SLC22A25: variants seen among roughly 807,000 people sequenced by gnomAD.
SLC22A25 encodes the protein solute carrier family 22 member 25.
In SLC22A25, 44 loss-of-function variants were observed where a neutral mutation model predicts 45.9. The observed-to-expected ratio is 0.96, with a 90% CI of 0.75 to 1.23. The LOEUF is 1.23. SLC22A25 is among the 50% of genes most tolerant of loss of function. SLC22A25 has a pLI of 0.00. For missense variants in SLC22A25, 800 were observed against 666.4 expected (o/e 1.20, Z -2.21); for synonymous variants, 283 against 238.6 (o/e 1.19, Z -1.72).
rs186416448 is a variant in SLC22A25 at position 63,178,720 on chromosome 11, C to T, written c.1070+1940G>A. 4.6e-5 allele frequency among the ~76,000 whole-genome samples: 7 copies of T among 151,942 alleles called. No individual in the cohort carries two copies. In the South Asian group the frequency reaches 1.0e-3, roughly 23 times the overall value. On this transcript the variant is annotated intron_variant, in intron 9 of 11. Transcript: ENST00000306494. The stretch of plus-strand genomic sequence containing the variant: ...TAGGTTTGATTTATTAATCCCTTGT[C>T]GGTTGAATAGTTTGCAATTTTTTTT...
chr11:63,218,947 G>A (rs533189553), intron 5 of SLC22A25, among the ~76,000 whole-genome samples: 76 of 152,230 alleles, frequency 5.0e-4, no homozygotes, highest in African/African-American at 1.8e-3. Context: ...AAACACACAT[G>A]CACTCACATG....
chr11:63,217,964 T>C, intron 5 of SLC22A25: 1 of 641,898 alleles, frequency 1.6e-6, no homozygotes, highest in South Asian at 1.8e-5. Flanking sequence ...CTGTTGCCAG[T>C]AGATCATTGA....
chr11:63,233,131 G>A (rs1260683129), intron 3 of SLC22A25, among the ~76,000 whole-genome samples: 1 of 152,160 alleles, frequency 6.6e-6, no homozygotes, highest in Non-Finnish European at 1.5e-5. Context: ...TTTGGTATCA[G>A]GATGATGCTG....
intron 5 of SLC22A25, among the ~76,000 whole-genome samples, chr11:63,228,134 T>C (rs1165654400): frequency 1.3e-5 from 2 of 152,218 alleles, no homozygotes; most frequent in African/African-American, 4.8e-5. Context: ...TAGATAGTTT[T>C]CAAGTTTGGT....
At chr11:63,177,244 A>G (rs1417212229) in intron 9 of SLC22A25, among the ~76,000 whole-genome samples, 1 of 151,948 alleles carries the variant, frequency 6.6e-6, no homozygotes, top group African/African-American at 2.4e-5. Context: ...ATACATGATA[A>G]TTATACATAT....
intron 7 of SLC22A25, among the ~76,000 whole-genome samples, chr11:63,206,038 A>G (rs1218044436): frequency 6.6e-6 from 1 of 152,188 alleles, no homozygotes; most frequent in African/African-American, 2.4e-5. Flanking sequence ...CAAAAACCAC[A>G]TGATTATCTC....
intron 9 of SLC22A25, chr11:63,167,395 C>T (rs1341037674): frequency 6.6e-6 from 1 of 152,346 alleles, no homozygotes; most frequent in Non-Finnish European, 1.5e-5. Flanking sequence ...CCCATGGAGC[C>T]CAGCAAGCTA....
chr11:63,229,657 G>C lies in SLC22A25; in HGVS notation c.-5C>G. ...TAGGAGGTCCTGAAAGGCCATTGAG[G>C]CTGGACAAGTGATCCCCAAGAGGAG... On this transcript the variant is annotated 5_prime_UTR_variant, in exon 4 of 12. Transcript: ENST00000306494. The C allele has an allele frequency of 6.3e-7, 1 of 1,597,138 alleles. No homozygotes were observed. The highest frequency in any genetic ancestry group is 8.6e-7 in the Non-Finnish European group (1 of 1,166,304).
At chr11:63,202,931 C>T (rs1273554726) in intron 7 of SLC22A25, among the ~76,000 whole-genome samples, 2 of 152,102 alleles carry the variant, frequency 1.3e-5, no homozygotes, top group Admixed American at 6.5e-5. Flanking sequence ...TGGCAGGTGC[C>T]CCTCTGGGAT....
chr11:63,180,575 C>T, intron 9 of SLC22A25, 85 bp downstream of exon 9: 3 of 953,600 alleles, frequency 3.1e-6, no homozygotes, highest in Non-Finnish European at 4.6e-6. Flanking sequence ...AAATATTTTC[C>T]TTCAACATGT....
intron 7 of SLC22A25, 58 bp downstream of exon 7, chr11:63,217,256 C>T (rs1456281316): frequency 6.4e-7 from 1 of 1,568,512 alleles, no homozygotes; most frequent in African/African-American, 1.3e-5. Context: ...TGTCCTCATT[C>T]CATGTACATC....
intron 8 of SLC22A25, among the ~76,000 whole-genome samples, chr11:63,181,312 T>C (rs1170507075): frequency 1.3e-5 from 2 of 152,000 alleles, no homozygotes; most frequent in African/African-American, 2.4e-5. Flanking sequence ...GTACATGATA[T>C]ACATGTGCCA....
At position 63,159,233 on chromosome 11, in the gene SLC22A25, G is replaced by A. The variant is rs536265673; in HGVS notation, c.*4591C>T. On this transcript the variant is annotated 3_prime_UTR_variant, in exon 12 of 12. Transcript: ENST00000306494. ...GCAACAAATGTGGGAGTGCAGATAC[G>A]TCTTTGATATACTTATTTCCTTTCT... is the stretch of plus-strand genomic sequence containing the variant. Among the ~76,000 whole-genome samples the A allele has an allele frequency of 3.3e-5, 5 of 152,250 alleles. No homozygotes were observed. The highest frequency in any genetic ancestry group is 6.5e-5 in the Admixed American group (1 of 15,294).
intron 10 of SLC22A25, 94 bp from the exon 11 acceptor site, chr11:63,164,728 T>C: frequency 1.0e-6 from 1 of 958,198 alleles, no homozygotes; most frequent in East Asian, 2.5e-5. Flanking sequence ...TTTGGAGGTG[T>C]TTCCAGGGGT....
rs1388202023 is a variant in SLC22A25 at position 63,161,523 on chromosome 11, T to C, written c.*2301A>G. ...AGGGATCCAGTGGGAGGTAACTGAA[T>C]CATGGGGGTGAGTGTTTCCCATGCT... On this transcript the variant is annotated 3_prime_UTR_variant, in exon 12 of 12. Transcript: ENST00000306494. Among the ~76,000 whole-genome samples, 2 of 152,162 alleles carry C rather than the reference T, an allele frequency of 1.3e-5. No homozygotes were observed. Among genetic ancestry groups the C allele is most frequent in the African/African-American group, 4.8e-5 (2 of 41,446 alleles).
intron 9 of SLC22A25, chr11:63,168,010 A>T: frequency 2.8e-6 from 1 of 357,470 alleles, no homozygotes; most frequent in South Asian, 2.0e-5. Context: ...TCCGCTGGTG[A>T]TACCCAAGCA....
In SLC22A25 at chr11:63,183,725, A is replaced by G. The variant is rs780300809; in HGVS notation, c.923T>C (p.Met308Thr). The stretch of plus-strand genomic sequence containing the variant: ...GGTTAGGATGTCTTCAGCATTCTTC[A>G]TTCCATTCCTGTGTGCAGCTTTTCT... ...ELRKAAHRNGMKNAEDILTME... is the reference protein window; with the variant it reads ...ELRKAAHRNGTKNAEDILTME... Residue 308 changes from methionine (M) to threonine (T), a missense_variant, in exon 8 of 12, where the codon ATG becomes ACG. Met to Thr is a moderately conservative substitution (Grantham distance 81). Coordinates refer to ENST00000306494, the MANE Select transcript of SLC22A25 (RefSeq NM_199352.6). The G allele has an allele frequency of 2.5e-6, 4 of 1,613,088 alleles. No individual in the cohort carries two copies. Among genetic ancestry groups the G allele is most frequent in the Non-Finnish European group, 3.4e-6 (4 of 1,179,314 alleles).
At chr11:63,172,022 C>T (rs1275955423) in intron 9 of SLC22A25, among the ~76,000 whole-genome samples, 1 of 152,138 alleles carries the variant, frequency 6.6e-6, no homozygotes, top group Non-Finnish European at 1.5e-5. Flanking sequence ...TTTGACAAAC[C>T]TGACACAAAT....
intron 5 of SLC22A25, among the ~76,000 whole-genome samples, chr11:63,223,366 C>T (rs186011669): frequency 2.6e-5 from 4 of 152,096 alleles, no homozygotes; most frequent in Admixed American, 2.6e-4. Flanking sequence ...TTGTATGTAT[C>T]TAGGAATTTA....
Sources: allele counts gnomAD v4.1 joint callset (sites outside exome capture counted in the v4.1 genomes callset), GRCh38; gene constraint gnomAD v4.1.1; transcripts MANE v1.5; gene names NCBI Gene and HGNC (gene_info 2026-07-23, HGNC 2026-07-21).